The following PRICKLE2 variants were observed in gnomAD, a reference collection of about 807,000 sequenced individuals.
PRICKLE2 encodes prickle planar cell polarity protein 2, also known as prickle-like protein 2.
PRICKLE2 carries 21 observed loss-of-function variants against 81.4 expected under a neutral mutation model. The ratio of observed to expected loss-of-function variants is 0.26; its 90% confidence interval spans 0.18 to 0.37. The LOEUF (loss-of-function observed/expected upper bound fraction) is 0.37, where lower values mean the gene tolerates loss of function less well. Among genes scored for constraint, PRICKLE2 ranks in the 10% least tolerant of loss-of-function variants. The pLI is 1.00. For synonymous variants in PRICKLE2, 456 were observed against 421.5 expected, an observed-to-expected ratio of 1.08 and a Z score of -1.00; for missense variants, 940 against 1,109.0, an observed-to-expected ratio of 0.85 and a Z score of 2.16.
chr3:64,228,797 C>T (rs776044070), upstream of PRICKLE2, among the ~76,000 whole-genome samples: 3 of 152,072 alleles, frequency 2.0e-5, no homozygotes, highest in African/African-American at 4.8e-5. Flanking sequence ...ATGCAACTGT[C>T]GACCTTCAGA....
At chr3:64,185,789 T>C (rs996016029) in intron 2 of PRICKLE2, among the ~76,000 whole-genome samples, 1 of 152,184 alleles carries the variant, frequency 6.6e-6, no homozygotes, top group Admixed American at 6.5e-5. Context: ...TTTATCGAGG[T>C]ATCAACATAT....
chr3:64,257,065 T>A (rs1416166582), intron 2 of PRICKLE2, among the ~76,000 whole-genome samples: 1 of 152,226 alleles, frequency 6.6e-6, no homozygotes, highest in South Asian at 2.1e-4. Context: ...CAAAGTCACA[T>A]ACATGATATT....
Position 64,098,473 on chromosome 3 carries a change from A to G in PRICKLE2, c.*578T>C, listed in dbSNP as rs1243910082. The G allele has an allele frequency of 5.2e-4, 8 of 15,524 alleles. No homozygotes were observed. The highest frequency in any genetic ancestry group is 2.9e-3 in the East Asian group (1 of 344). 1.0% of individuals were successfully genotyped at this position (15,524 alleles called of 1,614,324 possible). On this transcript the variant is annotated 3_prime_UTR_variant, in exon 8 of 8. Transcript: ENST00000638394. The stretch of plus-strand genomic sequence containing the variant: ...CTGACATGTAACAAATTTGTATAGA[A>G]AAAAAAAAAAAAAAAAAAAAGGTGG...
chr3:64,100,034 G>T, intron 7 of PRICKLE2, 109 bp from the exon 8 acceptor site: 4 of 1,261,552 alleles, frequency 3.2e-6, no homozygotes, highest in Non-Finnish European at 4.6e-6. Context: ...TTGTGAAGTT[G>T]TGTACTGCAC....
chr3:64,225,441 G>A lies in PRICKLE2; in HGVS notation c.-572C>T, dbSNP rs1222438484. ...AATAACTCTCGGTGGCGCTGCTGGT[G>A]GTGCCTGAGAAGTCGCTGTTGCAGT... On this transcript the variant is annotated 5_prime_UTR_variant, in exon 1 of 8. Coordinates refer to ENST00000638394, the MANE Select transcript of PRICKLE2 (RefSeq NM_198859.4). 1 of 934,998 alleles carries A rather than the reference G, an allele frequency of 1.1e-6. No individual in the cohort carries two copies. Among genetic ancestry groups the A allele is most frequent in the African/African-American group, 2.3e-5 (1 of 44,440 alleles). The allele number at this position is 934,998 out of a possible 1,614,324, so 57.9% of individuals were successfully genotyped here.
At chr3:64,218,220 T>C (rs73126868) in intron 1 of PRICKLE2, among the ~76,000 whole-genome samples, 8,142 of 152,336 alleles carry the variant, frequency 0.053, 299 homozygotes, top group Non-Finnish European at 0.076. Flanking sequence ...CAAACACCTG[T>C]GCTCTTTGAA....
intron 2 of PRICKLE2, among the ~76,000 whole-genome samples, chr3:64,180,375 C>G (rs2078107416): frequency 6.6e-6 from 1 of 152,084 alleles, no homozygotes; most frequent in Admixed American, 6.6e-5. Flanking sequence ...TAAATACATT[C>G]ACATAGTTGT....
At chr3:64,219,872 C>T (rs1184598725) in intron 1 of PRICKLE2, among the ~76,000 whole-genome samples, 1 of 152,214 alleles carries the variant, frequency 6.6e-6, no homozygotes, top group African/African-American at 2.4e-5. Context: ...AGTTACTTAA[C>T]TTCCAGGAGT....
intron 7 of PRICKLE2, among the ~76,000 whole-genome samples, chr3:64,110,984 A>AAAAAT (rs2076836951): frequency 1.1e-4 from 16 of 146,322 alleles, no homozygotes; most frequent in Non-Finnish European, 1.5e-4. Context: ...AAAAAAAAAA[A>AAAAAT]GTGTCTTTCA....
intron 2 of PRICKLE2, among the ~76,000 whole-genome samples, chr3:64,179,031 C>A (rs988815032): frequency 8.7e-6 from 1 of 114,640 alleles, no homozygotes; most frequent in African/African-American, 3.4e-5. Flanking sequence ...TTCTTTCTTT[C>A]TTTCTTTTCT....
intron 3 of PRICKLE2, among the ~76,000 whole-genome samples, chr3:64,160,833 C>G (rs1045615294): frequency 1.3e-4 from 20 of 152,326 alleles, no homozygotes; most frequent in Admixed American, 3.9e-4. Flanking sequence ...TATTCTTGCA[C>G]TGTTATTTAC....
chr3:64,149,969 C>CTTTT lies in PRICKLE2; in HGVS notation c.788-2271_788-2268dup, dbSNP rs34841544. 5.0e-3 allele frequency among the ~76,000 whole-genome samples: 544 copies of CTTTT among 109,678 alleles called. 15 individuals are homozygous for CTTTT. The highest frequency in any genetic ancestry group is 0.013 in the African/African-American group (352 of 27,998). 72.0% of individuals were successfully genotyped at this position (109,678 alleles called of 152,430 possible). Reference sequence around the variant, plus strand: ...TGTGAATCAACTGAATCAACTCCATCTTTTTTTTTTTTTTTTTTTTTGAGA... The same window carrying CTTTT: ...TGTGAATCAACTGAATCAACTCCATCTTTTTTTTTTTTTTTTTTTTTTTTTGAGA... On this transcript the variant is annotated intron_variant, in intron 6 of 7. Transcript: ENST00000638394.
intron 7 of PRICKLE2, among the ~76,000 whole-genome samples, chr3:64,122,934 C>T (rs1237754198): frequency 5.3e-5 from 8 of 152,154 alleles, no homozygotes; most frequent in Non-Finnish European, 1.0e-4. Flanking sequence ...GGTTTGCCTC[C>T]AACTCTTGGC....
chr3:64,157,831 G>C (rs979884177), intron 4 of PRICKLE2, among the ~76,000 whole-genome samples: 1 of 152,104 alleles, frequency 6.6e-6, no homozygotes, highest in African/African-American at 2.4e-5. Context: ...AGGGAGGGTG[G>C]ATACATAACA....
intron 1 of PRICKLE2, among the ~76,000 whole-genome samples, chr3:64,213,096 G>C (rs989727773): frequency 3.0e-5 from 4 of 133,352 alleles, no homozygotes; most frequent in African/African-American, 5.8e-5. Flanking sequence ...TTTTTTTTGA[G>C]ATGGAATTTT....
chr3:64,115,107 A>G (rs956073133), intron 7 of PRICKLE2, among the ~76,000 whole-genome samples: 1 of 152,198 alleles, frequency 6.6e-6, no homozygotes, highest in Non-Finnish European at 1.5e-5. Context: ...ACTAAGATTC[A>G]TAAGCAAAGG....
In PRICKLE2 at chr3:64,151,473, G is replaced by A. The variant is rs556654854; in HGVS notation, c.787+1709C>T. On this transcript the variant is annotated intron_variant, in intron 6 of 7. Transcript: ENST00000638394. ...GAGGTGTACATGCTGCAGCAACAGA[G>A]AGATTTTTTCTCTCTGCCAAGTACT... is the stretch of plus-strand genomic sequence containing the variant. Among the ~76,000 whole-genome samples, 4 of 152,326 alleles carry A rather than the reference G, an allele frequency of 2.6e-5. No homozygotes were observed. The South Asian group carries it at 8.3e-4, about 32-fold the overall frequency.
chr3:64,234,132 G>T lies in PRICKLE2; in HGVS notation c.129-35165C>A, dbSNP rs535817550. 2.6e-5 allele frequency among the ~76,000 whole-genome samples: 4 copies of T among 152,042 alleles called. No individual in the cohort carries two copies. In the South Asian group the frequency reaches 6.2e-4, roughly 24 times the overall value. On this transcript the variant is annotated intron_variant, in intron 2 of 8. Transcript: ENST00000295902. ...AAATAATGCTACTATGAACATTCAC[G>T]TATAAGTTTTTGTGGGGATGCATGC...
intron 7 of PRICKLE2, among the ~76,000 whole-genome samples, chr3:64,122,122 T>C (rs1245268341): frequency 2.6e-5 from 4 of 152,164 alleles, no homozygotes; most frequent in South Asian, 2.1e-4. Context: ...AGAAGAGTTA[T>C]GGAATGCTGC....
Sources: allele counts gnomAD v4.1 joint callset (sites outside exome capture counted in the v4.1 genomes callset), GRCh38; gene constraint gnomAD v4.1.1; transcripts MANE v1.5; gene names NCBI Gene and HGNC (gene_info 2026-07-23, HGNC 2026-07-21).